Variants in ITIH6 observed in about 807,000 individuals in gnomAD.
ITIH6 encodes the protein inter-alpha-trypsin inhibitor heavy chain H6.
ITIH6 carries 60 observed loss-of-function variants against 58.2 expected under a neutral mutation model. That is an observed-to-expected ratio of 1.03 (90% CI 0.84 to 1.28). The LOEUF (loss-of-function observed/expected upper bound fraction) is 1.28, where lower values mean the gene tolerates loss of function less well. Among genes scored for constraint, ITIH6 ranks in the 50% most tolerant of loss-of-function variants. ITIH6 has a pLI of 0.00. For missense variants in ITIH6, 1,290 were observed against 1,021.1 expected, an observed-to-expected ratio of 1.26 and a Z score of -3.59; for synonymous variants, 493 against 417.4, an observed-to-expected ratio of 1.18 and a Z score of -2.21.
Position 54,757,514 on chromosome X carries a change from A to G in ITIH6, c.2560T>C (p.Leu854=), listed in dbSNP as rs758358514. Residue 854 remains leucine (L), a synonymous_variant, in exon 8 of 13, where the codon TTA becomes CTA. Coordinates refer to ENST00000218436, the MANE Select transcript of ITIH6 (RefSeq NM_198510.3). ...GGTGGGGCACTCGGTTTAAGAGATA[A>G]TAAGATTTTAGGGGTCTTGGACAAG... ...ILLSKTPKIL[L]SLKPSAPPHQ... is the part of the protein sequence containing the mutation. The G allele has an allele frequency of 2.6e-5, 32 of 1,208,328 alleles. No individual in the cohort carries two copies. The highest frequency in any genetic ancestry group is 1.2e-4 in the South Asian group (7 of 56,662).
chrX:54,797,456 C>T (rs1929463824), intron 1 of ITIH6, among the ~76,000 whole-genome samples: 1 of 112,115 alleles, frequency 8.9e-6, no homozygotes, highest in East Asian at 2.8e-4. Flanking sequence ...CTAAAAAGCT[C>T]CCATGGAATG....
chrX:54,767,546 C>G (rs1928824794), intron 6 of ITIH6, among the ~76,000 whole-genome samples: 1 of 99,341 alleles, frequency 1.0e-5, no homozygotes, highest in East Asian at 3.0e-4. Context: ...AAATTTCCCT[C>G]TACACACTGC....
intron 12 of ITIH6, among the ~76,000 whole-genome samples, chrX:54,750,458 C>T (rs1274256657): frequency 9.0e-6 from 1 of 111,280 alleles, no homozygotes; most frequent in Non-Finnish European, 1.9e-5. Flanking sequence ...TGAGCCTCTG[C>T]CTCAGGTTCT....
chrX:54,786,938 G>A (rs748636712), intron 5 of ITIH6, among the ~76,000 whole-genome samples: 1 of 111,640 alleles, frequency 9.0e-6, no homozygotes, highest in Admixed American at 9.5e-5. Flanking sequence ...TTTGAACGAA[G>A]GGCACACTCA....
At position 54,758,134 on chromosome X, in the gene ITIH6, G is replaced by A. The variant is rs1296299476; in HGVS notation, c.1940C>T (p.Thr647Ile). Residue 647 changes from threonine to isoleucine, a missense_variant, in exon 8 of 13, where the codon ACA (threonine) becomes ATA (isoleucine). Coordinates refer to ENST00000218436, the MANE Select transcript of ITIH6 (RefSeq NM_198510.3). ...CTTGGGCACCAAGGCTGGCTGAGCT[G>A]TGCTTACCCCTAGGCCATGCCTGCT... ...SSSRHGLGVSTAQPALVPKVI... is the reference protein window; with the variant it reads ...SSSRHGLGVSIAQPALVPKVI... The A allele has an allele frequency of 1.7e-6, 2 of 1,210,011 alleles. No homozygotes were observed. Among genetic ancestry groups the A allele is most frequent in the East Asian group, 5.9e-5 (2 of 33,756 alleles).
At chrX:54,763,208 G>C (rs1174451661) in intron 6 of ITIH6, among the ~76,000 whole-genome samples, 1 of 112,001 alleles carries the variant, frequency 8.9e-6, no homozygotes, top group East Asian at 2.8e-4. Context: ...GAAATATCTT[G>C]AATGCTTCTA....
At position 54,775,217 on chromosome X, in the gene ITIH6, T is replaced by C. The variant is rs757355643; in HGVS notation, c.787-1020A>G. ...TGCCCAAGCCAACAGCAGAACCCAG[T>C]GGCCTCTGCACACCTCCCATACCTG... On this transcript the variant is annotated intron_variant, in intron 5 of 12. Transcript: ENST00000218436. Among the ~76,000 whole-genome samples, 3 of 111,802 alleles carry C rather than the reference T, an allele frequency of 2.7e-5. No individual in the cohort carries two copies. In the South Asian group the frequency reaches 1.1e-3, roughly 42 times the overall value.
At chrX:54,760,934 A>C (rs1329199389) in intron 6 of ITIH6, among the ~76,000 whole-genome samples, 1 of 111,645 alleles carries the variant, frequency 9.0e-6, no homozygotes, top group Non-Finnish European at 1.9e-5. Flanking sequence ...ATGATTTATA[A>C]TCCTTTGGGT....
chrX:54,762,158 C>A (rs1928660522), intron 6 of ITIH6, among the ~76,000 whole-genome samples: 2 of 111,524 alleles, frequency 1.8e-5, no homozygotes, highest in South Asian at 7.5e-4. Flanking sequence ...CTTCACATCC[C>A]TTGTAAGTTG....
At chrX:54,795,773 C>T (rs988418479) in intron 2 of ITIH6, among the ~76,000 whole-genome samples, 2 of 111,865 alleles carry the variant, frequency 1.8e-5, no homozygotes, top group Non-Finnish European at 3.8e-5. Flanking sequence ...GGAAACCCAC[C>T]ATTGTCTTCT....
chrX:54,778,629 A>G (rs1929095865), intron 5 of ITIH6, among the ~76,000 whole-genome samples: 1 of 112,319 alleles, frequency 8.9e-6, no homozygotes, highest in South Asian at 3.7e-4. Flanking sequence ...GCATGCCTAC[A>G]TGATCTAGAA....
chrX:54,767,527 T>G (rs1291237891), intron 6 of ITIH6, among the ~76,000 whole-genome samples: 7 of 98,948 alleles, frequency 7.1e-5, no homozygotes, highest in South Asian at 4.6e-4. Flanking sequence ...TGTGGGCATT[T>G]AGTGCTATAA....
At position 54,758,867 on chromosome X, in the gene ITIH6, C is replaced by A. The variant is rs747260784; in HGVS notation, c.1207G>T (p.Gly403Cys). 1 of 1,211,287 alleles carries A rather than the reference C, an allele frequency of 8.3e-7. No individual in the cohort carries two copies. Among genetic ancestry groups the A allele is most frequent in the Admixed American group, 2.2e-5 (1 of 46,005 alleles). ...AGGATCACACTGGGGGTCGTCACGC[C>A]GGCCGTGGGCTCCCCATCCGTCAGG... ...IFLTDGEPTA[G>C]VTTPSVILSN... Residue 403 changes from glycine to cysteine, a missense_variant, in exon 8 of 13, where the codon GGC becomes TGC. Gly to Cys is a radical substitution (Grantham distance 159). Coordinates refer to ENST00000218436, the MANE Select transcript of ITIH6 (RefSeq NM_198510.3).
chrX:54,753,598 A>G (rs751820908), intron 11 of ITIH6, 53 bp downstream of exon 11: 8 of 898,590 alleles, frequency 8.9e-6, no homozygotes, highest in Middle Eastern at 2.7e-4. Context: ...AGGGGTATTG[A>G]CATGGATATA....
chrX:54,788,562 G>C lies in ITIH6; in HGVS notation c.704C>G (p.Ser235Trp). The C allele has an allele frequency of 8.3e-7, 1 of 1,209,208 alleles. No individual in the cohort carries two copies. The highest frequency in any genetic ancestry group is 1.1e-6 in the Non-Finnish European group (1 of 893,631). The part of the protein sequence containing the change: ...ITYCPTLQDQ[S>W]SISGSGIMAD... ...CATGATGCCTGACCCAGAGATGGAC[G>C]ACTGGTCTTGCAATGTCGGGCAGTA... The change falls in exon 5 of 13, where the codon TCG (serine) becomes TGG (tryptophan). Residue 235 changes from serine (S) to tryptophan (W), a missense_variant. Coordinates refer to ENST00000218436, the MANE Select transcript of ITIH6 (RefSeq NM_198510.3).
At chrX:54,792,901 C>T (rs1389068375) in intron 2 of ITIH6, among the ~76,000 whole-genome samples, 1 of 111,472 alleles carries the variant, frequency 9.0e-6, no homozygotes, top group Admixed American at 9.5e-5. Context: ...TCTGTTGGCT[C>T]TTTCTCTTCC....
At chrX:54,788,727 A>C in intron 4 of ITIH6, 78 bp from the exon 5 acceptor site, 1 of 830,024 alleles carries the variant, frequency 1.2e-6, no homozygotes, top group Non-Finnish European at 1.8e-6. Context: ...GGGCAGCACA[A>C]AGGGTGCTAT....
intron 6 of ITIH6, among the ~76,000 whole-genome samples, chrX:54,765,886 G>A (rs1484765414): frequency 1.8e-5 from 2 of 110,519 alleles, no homozygotes; most frequent in Admixed American, 9.6e-5. Flanking sequence ...CTCTTTTTTG[G>A]TTCCATATGA....
Position 54,753,714 on chromosome X carries a change from T to A in ITIH6, c.3289A>T (p.Ile1097Phe). 8.3e-7 allele frequency: 1 copy of A among 1,211,440 alleles called. No individual in the cohort carries two copies. The highest frequency in any genetic ancestry group is 2.3e-4 in the Middle Eastern group (1 of 4,309). Residue 1097 changes from isoleucine (I) to phenylalanine (F), a missense_variant, in exon 11 of 13, where the codon ATC (isoleucine) becomes TTC (phenylalanine). Coordinates refer to ENST00000218436, the MANE Select transcript of ITIH6 (RefSeq NM_198510.3). ...GGGTGCCCATTCAGTGTGAAGCAGA[T>A]CTTCTCTTCTGAGTGTGGGATTTGG... ...VIQIPHSEEK[I>F]CFTLNGHPGD... is the part of the protein sequence containing the mutation.
Sources: gnomAD v4.1 joint callset for allele counts (sites outside exome capture counted in the v4.1 genomes callset) on GRCh38, gnomAD v4.1.1 for gene constraint, MANE v1.5 for transcripts, NCBI Gene and HGNC (gene_info 2026-07-23, HGNC 2026-07-21) for gene names.